Variants in KHDRBS2 observed in about 807,000 individuals in gnomAD.
The protein encoded by KHDRBS2 is KH domain-containing, RNA-binding, signal transduction-associated protein 2.
KHDRBS2 carries 26 observed loss-of-function variants against 44.3 expected under a neutral mutation model. The observed-to-expected ratio is 0.59, with a 90% CI of 0.43 to 0.81. KHDRBS2 has a LOEUF of 0.81. Ranked by LOEUF, KHDRBS2 falls within the 40% of genes least tolerant of loss-of-function variation. KHDRBS2 has a pLI of 0.00. For missense variants in KHDRBS2, 476 were observed against 433.1 expected (o/e 1.10, Z -0.88); for synonymous variants, 194 against 151.1 (o/e 1.28, Z -2.08).
At chr6:62,098,920 T>C (rs1801243688) in intron 2 of KHDRBS2, among the ~76,000 whole-genome samples, 1 of 150,674 alleles carries the variant, frequency 6.6e-6, no homozygotes, top group African/African-American at 2.5e-5. Flanking sequence ...CTGCTGTTGA[T>C]GCTCTCTATT....
At position 61,957,047 on chromosome 6, in the gene KHDRBS2, A is replaced by C. The variant is rs146589702; in HGVS notation, c.483+21019T>G. On this transcript the variant is annotated intron_variant, in intron 4 of 8. Coordinates refer to ENST00000281156, the MANE Select transcript of KHDRBS2 (RefSeq NM_152688.4). Reference sequence around the variant, plus strand: ...GAACATTTATTAGTTCCCCAAATTAATACTTTTATAATTTCTTACACCTTT... The same window carrying C: ...GAACATTTATTAGTTCCCCAAATTACTACTTTTATAATTTCTTACACCTTT... Among the ~76,000 whole-genome samples the C allele has an allele frequency of 9.9e-3, 1,500 of 152,250 alleles. 7 individuals are homozygous for C. The highest frequency in any genetic ancestry group is 0.027 in the Middle Eastern group (8 of 294).
rs1422241663 is a variant in KHDRBS2, at chr6:61,690,119, C to T, written c.952+7076G>A. The stretch of plus-strand genomic sequence containing the variant: ...TCTTTTTTTCTTTTAATCATGCTCT[C>T]TTTTAATACACATAAAAATCTCCCA... On this transcript the variant is annotated intron_variant, in intron 8 of 8. Coordinates refer to ENST00000281156, the MANE Select transcript of KHDRBS2 (RefSeq NM_152688.4). Among the ~76,000 whole-genome samples, 6 of 151,882 alleles carry T rather than the reference C, an allele frequency of 4.0e-5. No individual in the cohort carries two copies. The East Asian group carries it at 1.2e-3, about 30-fold the overall frequency.
At chr6:62,078,201 T>G (rs1219262069) in intron 2 of KHDRBS2, among the ~76,000 whole-genome samples, 2 of 152,010 alleles carry the variant, frequency 1.3e-5, no homozygotes, top group Non-Finnish European at 1.5e-5. Flanking sequence ...AAATGTAAAT[T>G]CTAAGTGATT....
chr6:62,185,610 T>C (rs1456693211), intron 1 of KHDRBS2, among the ~76,000 whole-genome samples: 3 of 151,984 alleles, frequency 2.0e-5, no homozygotes, highest in Non-Finnish European at 2.9e-5. Flanking sequence ...GAAGTAGAAA[T>C]AGAGACATTA....
intron 3 of KHDRBS2, among the ~76,000 whole-genome samples, chr6:62,029,170 AT>A (rs1236765094): frequency 6.6e-6 from 1 of 152,016 alleles, no homozygotes; most frequent in Non-Finnish European, 1.5e-5. Flanking sequence ...TCTAAACATA[AT>A]TTTTAATAGC....
At position 62,135,798 on chromosome 6, in the gene KHDRBS2, T is replaced by A. The variant is rs548199092; in HGVS notation, c.219+41387A>T. 4.5e-4 allele frequency among the ~76,000 whole-genome samples: 69 copies of A among 151,996 alleles called. No individual in the cohort carries two copies. In the South Asian group the frequency reaches 0.013, roughly 28 times the overall value. On this transcript the variant is annotated intron_variant, in intron 2 of 8. Transcript: ENST00000281156. ...GTGGATGACCTAGAGGATATTATGC[T>A]AAGTAAAGTAAGCCAGACAAAGGAA...
At chr6:61,719,942 CA>C (rs1346429415) in intron 7 of KHDRBS2, among the ~76,000 whole-genome samples, 1 of 152,092 alleles carries the variant, frequency 6.6e-6, no homozygotes, top group Admixed American at 6.6e-5. Flanking sequence ...TCCCACCCCA[CA>C]ACAGTCCCCA....
chr6:62,065,453 A>C lies in KHDRBS2; in HGVS notation c.220-17459T>G, dbSNP rs1793381488. ...ATACACCATGGAATACTATGCACCC[A>C]TAAAAAATGATGAGTTCATATCCTT... On this transcript the variant is annotated intron_variant, in intron 2 of 8. Coordinates refer to ENST00000281156, the MANE Select transcript of KHDRBS2 (RefSeq NM_152688.4). Among the ~76,000 whole-genome samples, 5 of 108,842 alleles carry C rather than the reference A, an allele frequency of 4.6e-5. No homozygotes were observed. In the South Asian group the frequency reaches 1.4e-3, roughly 31 times the overall value. The allele number at this position is 108,842 out of a possible 152,430, so 71.4% of individuals were successfully genotyped here. A position where few individuals can be genotyped will look rare whatever the true frequency, so the allele number is the denominator to read the frequency against.
chr6:62,106,521 T>C (rs954333136), intron 2 of KHDRBS2, among the ~76,000 whole-genome samples: 1 of 152,138 alleles, frequency 6.6e-6, no homozygotes, highest in Admixed American at 6.5e-5. Context: ...TTGATCCCTT[T>C]ACCAGGTACA....
chr6:61,565,850 T>C, the KHDRBS2 span, among the ~76,000 whole-genome samples: 4 of 152,122 alleles, frequency 2.6e-5, no homozygotes, highest in African/African-American at 9.7e-5. Context: ...TTCAGAAATC[T>C]CACTGCTGGG....
intron 6 of KHDRBS2, among the ~76,000 whole-genome samples, chr6:61,786,192 G>A (rs62416605): frequency 6.6e-6 from 1 of 151,546 alleles, no homozygotes; most frequent in Non-Finnish European, 1.5e-5. Flanking sequence ...GAGGGAGAGG[G>A]AGAGAGAGAG....
chr6:62,240,192 T>A (rs1329181252), intron 1 of KHDRBS2, among the ~76,000 whole-genome samples: 4 of 152,150 alleles, frequency 2.6e-5, no homozygotes, highest in African/African-American at 9.7e-5. Context: ...TTGGTTTATT[T>A]ATCTATTTAC....
At chr6:61,913,740 C>A (rs1806456441) in intron 4 of KHDRBS2, among the ~76,000 whole-genome samples, 1 of 151,934 alleles carries the variant, frequency 6.6e-6, no homozygotes, top group African/African-American at 2.4e-5. Flanking sequence ...GTCAGCAGTG[C>A]CCTACTCAAA....
At chr6:61,666,491 G>T in the KHDRBS2 span, among the ~76,000 whole-genome samples, 1 of 151,096 alleles carries the variant, frequency 6.6e-6, no homozygotes, top group Non-Finnish European at 1.5e-5. Context: ...TGCAACTTAG[G>T]GTCCACTTCC....
intron 6 of KHDRBS2, among the ~76,000 whole-genome samples, chr6:61,804,168 G>T (rs893378800): frequency 1.3e-5 from 2 of 151,890 alleles, no homozygotes; most frequent in African/African-American, 4.8e-5. Flanking sequence ...ACTTCCTAGG[G>T]AATGGGGGAA....
intron 2 of KHDRBS2, among the ~76,000 whole-genome samples, chr6:62,096,479 T>A (rs1285829512): frequency 6.6e-6 from 1 of 151,930 alleles, no homozygotes; most frequent in African/African-American, 2.4e-5. Context: ...AACTTATGCA[T>A]TTCTTCTAGC....
chr6:61,551,524 C>A, the KHDRBS2 span, among the ~76,000 whole-genome samples: 2 of 152,042 alleles, frequency 1.3e-5, no homozygotes, highest in African/African-American at 4.8e-5. Flanking sequence ...TGTAATCCAT[C>A]TTGAGTTGAT....
chr6:62,054,338 T>C (rs527706681), intron 2 of KHDRBS2, among the ~76,000 whole-genome samples: 3 of 152,114 alleles, frequency 2.0e-5, no homozygotes, highest in Admixed American at 2.0e-4. Flanking sequence ...GATAGACAAA[T>C]AGAGCAATGG....
At chr6:61,592,877 G>C in the KHDRBS2 span, among the ~76,000 whole-genome samples, 1 of 152,108 alleles carries the variant, frequency 6.6e-6, no homozygotes, top group African/African-American at 2.4e-5. Flanking sequence ...GAATCTGTCA[G>C]GTCAGTTAAA....
Sources: allele counts gnomAD v4.1 joint callset (sites outside exome capture counted in the v4.1 genomes callset), GRCh38; gene constraint gnomAD v4.1.1; transcripts MANE v1.5; gene names NCBI Gene and HGNC (gene_info 2026-07-23, HGNC 2026-07-21).